Variants in GAK observed in about 807,000 individuals in gnomAD.
GAK encodes cyclin-G-associated kinase.
GAK carries 79 observed loss-of-function variants against 143.9 expected under a neutral mutation model. The observed-to-expected ratio is 0.55, with a 90% confidence interval of 0.46 to 0.66. The LOEUF (loss-of-function observed/expected upper bound fraction) is 0.66, where lower values mean the gene tolerates loss of function less well. Among genes scored for constraint, GAK ranks in the 30% least tolerant of loss-of-function variants. The pLI is 0.00. For missense variants in GAK, 1,693 were observed against 1,779.7 expected (o/e 0.95, Z 0.88); for synonymous variants, 881 against 765.5 (o/e 1.15, Z -2.49).
At chr4:868,807 TA>T in intron 19 of GAK, 122 bp from the exon 20 acceptor site, 1 of 969,652 alleles carries the variant, frequency 1.0e-6, no homozygotes, top group Non-Finnish European at 1.5e-6. Context: ...AGGCCATCGG[TA>T]AAGCAGACCA....
At chr4:887,481 C>A (rs1716687612) in intron 11 of GAK, 1 of 149,632 alleles carries the variant, frequency 6.7e-6, no homozygotes, top group Non-Finnish European at 1.5e-5. Context: ...CGCACACAGG[C>A]ACTTGTGTGC....
At chr4:876,189 TC>T (rs1202933285) in intron 18 of GAK, among the ~76,000 whole-genome samples, 5 of 152,094 alleles carry the variant, frequency 3.3e-5, no homozygotes, top group Non-Finnish European at 7.4e-5. Flanking sequence ...CCGCATCATC[TC>T]CAGCCTCCGC....
At chr4:889,421 C>T (rs1348157820) in intron 10 of GAK, among the ~76,000 whole-genome samples, 2 of 151,502 alleles carry the variant, frequency 1.3e-5, no homozygotes, top group Admixed American at 1.3e-4. Context: ...TCTTCACAGG[C>T]GGCTTTGGTG....
At chr4:876,171 G>A (rs1193233319) in intron 18 of GAK, among the ~76,000 whole-genome samples, 1 of 152,322 alleles carries the variant, frequency 6.6e-6, no homozygotes, top group African/African-American at 2.4e-5. Context: ...CTTCCAGACA[G>A]GACTGCCCCG....
chr4:905,260 C>T (rs112775516), intron 4 of GAK, among the ~76,000 whole-genome samples: 1 of 152,320 alleles, frequency 6.6e-6, no homozygotes, highest in Non-Finnish European at 1.5e-5. Context: ...TAAATTCCCG[C>T]TTTCGTTCTT....
chr4:908,694 G>A (rs988530783), intron 4 of GAK, among the ~76,000 whole-genome samples: 4 of 152,130 alleles, frequency 2.6e-5, no homozygotes, highest in Non-Finnish European at 4.4e-5. Flanking sequence ...AGGCTAAGGC[G>A]GGAGGACTGC....
At chr4:879,324 A>G (rs1021407023) in intron 15 of GAK, among the ~76,000 whole-genome samples, 8 of 152,164 alleles carry the variant, frequency 5.3e-5, no homozygotes, top group Admixed American at 5.2e-4. Flanking sequence ...AAAACCACTC[A>G]TGTTCAGCCT....
chr4:866,384 C>G lies in GAK; in HGVS notation c.3023G>C (p.Ser1008Thr). ...CTTACCCAGGTGCAGGAAGTCGGCG[C>G]TGCAGGATGGGGGCGGAGCACTGTG... ...SAHSAPPPSCSADFLHLGDLP... is the reference protein window; with the variant it reads ...SAHSAPPPSCTADFLHLGDLP... Residue 1008 changes from serine to threonine, a missense_variant, in exon 22 of 28, where the codon AGC (serine) becomes ACC (threonine). Transcript: ENST00000314167. 2 of 1,614,070 alleles carry G rather than the reference C, an allele frequency of 1.2e-6. No individual in the cohort carries two copies. The highest frequency in any genetic ancestry group is 1.7e-6 in the Non-Finnish European group (2 of 1,179,990).
rs1715412879 is a variant in GAK at position 882,783 on chromosome 4, G to A, written c.1441C>T (p.His481Tyr). The stretch of plus-strand genomic sequence containing the variant: ...CAGATGTTGTACAGGGTGTGCAGGT[G>A]TGGGGCCCGCCGTGCTGCCCAGCCA... Reference protein sequence around the residue: ...ECGWAARRAPHLHTLYNICRN... With the variant: ...ECGWAARRAPYLHTLYNICRN... Residue 481 changes from histidine (H) to tyrosine (Y), a missense_variant, in exon 14 of 28, where the codon CAC (histidine) becomes TAC (tyrosine). His to Tyr is a moderately conservative substitution (Grantham distance 83). Coordinates refer to ENST00000314167, the MANE Select transcript of GAK (RefSeq NM_005255.4). 6.2e-7 allele frequency: 1 copy of A among 1,610,896 alleles called. No individual in the cohort carries two copies. The highest frequency in any genetic ancestry group is 8.5e-7 in the Non-Finnish European group (1 of 1,179,902).
chr4:888,689 C>G, intron 11 of GAK, 158 bp downstream of exon 11: 5 of 858,492 alleles, frequency 5.8e-6, no homozygotes, highest in Non-Finnish European at 8.7e-6. Context: ...GGGCTCATTC[C>G]GACTCCCTGG....
At chr4:869,559 TGC>T (rs1711973991) in intron 19 of GAK, 1 of 76,518 alleles carries the variant, frequency 1.3e-5, no homozygotes, top group Non-Finnish European at 2.5e-5. Flanking sequence ...TACACATGAA[TGC>T]ACACACACAG....
intron 4 of GAK, among the ~76,000 whole-genome samples, chr4:905,129 A>C (rs951198814): frequency 1.3e-5 from 2 of 152,178 alleles, no homozygotes; most frequent in African/African-American, 4.8e-5. Flanking sequence ...ACATGAGGTG[A>C]GCACAAAGTG....
chr4:882,946 C>G, intron 13 of GAK, 127 bp from the exon 14 acceptor site: 3 of 1,211,004 alleles, frequency 2.5e-6, no homozygotes, highest in Non-Finnish European at 3.4e-6. Context: ...AGGCGTCCAC[C>G]TGCGCGAGAC....
At chr4:922,170 G>A (rs770202307) in intron 1 of GAK, among the ~76,000 whole-genome samples, 5 of 152,120 alleles carry the variant, frequency 3.3e-5, no homozygotes, top group Non-Finnish European at 7.4e-5. Context: ...AATAGGACTG[G>A]TGTCCTTATA....
chr4:885,572 G>C (rs935667861), intron 11 of GAK, among the ~76,000 whole-genome samples: 4 of 152,138 alleles, frequency 2.6e-5, no homozygotes, highest in South Asian at 4.1e-4. Flanking sequence ...TGTACCACAG[G>C]TGTGTGTGTG....
chr4:931,127 A>C (rs1166816351), intron 1 of GAK, among the ~76,000 whole-genome samples: 1 of 152,246 alleles, frequency 6.6e-6, no homozygotes, highest in Non-Finnish European at 1.5e-5. Context: ...AGGAAAATCC[A>C]CAAGAGAGAA....
Position 854,134 on chromosome 4 carries a change from T to A in GAK, c.3284-2160A>T, listed in dbSNP as rs1209913452. On this transcript the variant is annotated intron_variant, in intron 24 of 27. Coordinates refer to ENST00000314167, the MANE Select transcript of GAK (RefSeq NM_005255.4). ...ATTTTCTTTCTTTTTTTTTTTTTTT[T>A]AATTGATCATTCTTGGGTGTTTCTC... Among the ~76,000 whole-genome samples the A allele has an allele frequency of 7.3e-5, 11 of 150,434 alleles. No homozygotes were observed. The East Asian group carries it at 1.7e-3, about 24-fold the overall frequency.
chr4:911,725 C>A lies in GAK; in HGVS notation c.330G>T (p.Glu110Asp). ...QFCSAASIGK[E>D]ESDTGQAEFL... is the part of the protein sequence containing the mutation. ...ACTCAGCCTGCCCCGTGTCTGACTC[C>A]TCTTTTCCTATAGACGCTGCAGAAC... is the stretch of plus-strand genomic sequence containing the variant. Residue 110 changes from glutamate (E) to aspartate (D), a missense_variant, in exon 4 of 28, where the codon GAG becomes GAT. Glu to Asp is a conservative substitution (Grantham distance 45). Coordinates refer to ENST00000314167, the MANE Select transcript of GAK (RefSeq NM_005255.4). 1 of 1,614,090 alleles carries A rather than the reference C, an allele frequency of 6.2e-7. No individual in the cohort carries two copies. The highest frequency in any genetic ancestry group is 1.1e-5 in the South Asian group (1 of 91,088).
At chr4:875,354 A>G (rs1454979944) in intron 18 of GAK, among the ~76,000 whole-genome samples, 12 of 152,396 alleles carry the variant, frequency 7.9e-5, no homozygotes, top group African/African-American at 2.6e-4. Flanking sequence ...ATGTAAAAAA[A>G]GAATCACAGA....
Sources: allele counts gnomAD v4.1 joint callset (sites outside exome capture counted in the v4.1 genomes callset), GRCh38; gene constraint gnomAD v4.1.1; transcripts MANE v1.5; gene names NCBI Gene and HGNC (gene_info 2026-07-23, HGNC 2026-07-21).